MYO10: variants seen among roughly 807,000 people sequenced by gnomAD.
MYO10 encodes the protein unconventional myosin-X.
In MYO10, 133 loss-of-function variants were observed where a neutral mutation model predicts 257.3. The observed-to-expected ratio is 0.52, with a 90% CI of 0.45 to 0.60. The LOEUF is 0.60. MYO10 is among the 20% of genes least tolerant of loss of function. MYO10 has a pLI of 0.00. For synonymous variants in MYO10, 1,104 were observed against 1,028.6 expected, an observed-to-expected ratio of 1.07 and a Z score of -1.40; for missense variants, 2,399 against 2,635.7, an observed-to-expected ratio of 0.91 and a Z score of 1.97.
chr5:16,863,825 C>T (rs1243616523), intron 2 of MYO10, among the ~76,000 whole-genome samples: 3 of 152,178 alleles, frequency 2.0e-5, no homozygotes, highest in East Asian at 1.9e-4. Flanking sequence ...GGGCCAGGTG[C>T]GGTGGCTCAT....
At chr5:16,736,835 C>T (rs1214239593) in intron 19 of MYO10, among the ~76,000 whole-genome samples, 2 of 152,190 alleles carry the variant, frequency 1.3e-5, no homozygotes, top group Non-Finnish European at 2.9e-5. Context: ...CCTTCATAAT[C>T]CAGCGGGATT....
intron 35 of MYO10, among the ~76,000 whole-genome samples, 165 bp from the exon 36 acceptor site, chr5:16,674,054 C>T (rs1290660717): frequency 6.6e-6 from 1 of 152,116 alleles, no homozygotes; most frequent in East Asian, 1.9e-4. Context: ...TCATTTTGTG[C>T]AGTTCAATTT....
intron 35 of MYO10, among the ~76,000 whole-genome samples, chr5:16,674,133 G>T (rs1217995044): frequency 6.6e-6 from 1 of 152,182 alleles, no homozygotes; most frequent in African/African-American, 2.4e-5. Flanking sequence ...CACCTCTGCA[G>T]CGTTGTTAAT....
intron 40 of MYO10, among the ~76,000 whole-genome samples, chr5:16,667,913 G>A (rs1736250075): frequency 6.6e-6 from 1 of 152,132 alleles, no homozygotes; most frequent in African/African-American, 2.4e-5. Context: ...CCAGAGCCGA[G>A]TCTCACAGCT....
chr5:16,671,626 A>T, intron 37 of MYO10, 84 bp from the exon 38 acceptor site: 2 of 1,517,832 alleles, frequency 1.3e-6, no homozygotes. Flanking sequence ...TACATGGTGT[A>T]TTCTAAGGAC....
intron 2 of MYO10, among the ~76,000 whole-genome samples, chr5:16,842,551 A>C (rs1324948403): frequency 2.0e-5 from 3 of 152,076 alleles, no homozygotes; most frequent in Non-Finnish European, 4.4e-5. Context: ...CTGTCTTCCT[A>C]ATCTGTCCAA....
At chr5:16,688,012 G>A (rs1162614582) in intron 28 of MYO10, among the ~76,000 whole-genome samples, 1 of 152,168 alleles carries the variant, frequency 6.6e-6, no homozygotes, top group Non-Finnish European at 1.5e-5. Flanking sequence ...CCACTGGTCA[G>A]GAGAAAAAGT....
chr5:16,685,603 CTTAA>C (rs747410917), intron 29 of MYO10, 131 bp downstream of exon 29: 1 of 650,810 alleles, frequency 1.5e-6, no homozygotes, highest in African/African-American at 1.8e-5. Context: ...TGTTTTTCTC[CTTAA>C]TTATTCTATA....
chr5:16,710,140 G>C (rs1283260536), intron 21 of MYO10, among the ~76,000 whole-genome samples: 1 of 152,168 alleles, frequency 6.6e-6, no homozygotes, highest in Admixed American at 6.5e-5. Flanking sequence ...GAAGGAGCGG[G>C]AATGAGGATT....
intron 30 of MYO10, among the ~76,000 whole-genome samples, chr5:16,683,319 C>CA (rs999171310): frequency 2.0e-5 from 3 of 152,200 alleles, no homozygotes; most frequent in Non-Finnish European, 2.9e-5. Flanking sequence ...TACAGAAAAA[C>CA]AGAGACAATA....
intron 2 of MYO10, among the ~76,000 whole-genome samples, chr5:16,852,050 CAAAAAAAAAA>C (rs70943811): frequency 1.4e-4 from 6 of 42,540 alleles, no homozygotes; most frequent in Admixed American, 4.2e-4. Context: ...GACTCCATCT[CAAAAAAAAAA>C]AAAAAAAAAA....
Position 16,781,815 on chromosome 5 carries a change from G to A in MYO10, c.617C>T (p.Ala206Val). The change falls in exon 6 of 41, where the codon GCT becomes GTT. Residue 206 changes from alanine (A) to valine (V), a missense_variant. Physicochemically the swap from Ala to Val is moderately conservative, Grantham distance 64. Coordinates refer to ENST00000513610, the MANE Select transcript of MYO10 (RefSeq NM_012334.3). ...GTACACGGTCTTCGCATTGCCGAAA[G>A]CTTCCATGATGGGGCTGTGAAGACA... Reference protein sequence around the residue: ...AILESSPIMEAFGNAKTVYNN... With the variant: ...AILESSPIMEVFGNAKTVYNN... 6.2e-7 allele frequency: 1 copy of A among 1,614,026 alleles called. No individual in the cohort carries two copies. The highest frequency in any genetic ancestry group is 8.5e-7 in the Non-Finnish European group (1 of 1,179,896).
At chr5:16,931,314 A>G (rs1172252001) in intron 1 of MYO10, among the ~76,000 whole-genome samples, 1 of 152,112 alleles carries the variant, frequency 6.6e-6, no homozygotes, top group East Asian at 1.9e-4. Context: ...AAGATACTCC[A>G]TGTCCTACCA....
intron 2 of MYO10, among the ~76,000 whole-genome samples, chr5:16,838,149 A>G (rs1011281101): frequency 2.6e-5 from 4 of 152,206 alleles, no homozygotes; most frequent in African/African-American, 9.6e-5. Flanking sequence ...TCAAGTAAAA[A>G]AGAGTCACGC....
chr5:16,917,695 A>C (rs1423868838), intron 1 of MYO10, among the ~76,000 whole-genome samples: 1 of 131,432 alleles, frequency 7.6e-6, no homozygotes, highest in Non-Finnish European at 1.7e-5. Flanking sequence ...CCATCTCTAC[A>C]AAAAAAAAAA....
chr5:16,857,395 AG>A (rs1247331664), intron 2 of MYO10, among the ~76,000 whole-genome samples: 1 of 152,206 alleles, frequency 6.6e-6, no homozygotes, highest in Non-Finnish European at 1.5e-5. Context: ...ATGCTTTGGG[AG>A]GAAGACGGTG....
chr5:16,739,283 A>G (rs1739927669), intron 19 of MYO10, among the ~76,000 whole-genome samples: 1 of 151,542 alleles, frequency 6.6e-6, no homozygotes, highest in Non-Finnish European at 1.5e-5. Flanking sequence ...ATTTGATTAC[A>G]CTATTGAGAA....
rs148017475 is a variant in MYO10, at chr5:16,766,887, A to G, written c.1061-689T>C. On this transcript the variant is annotated intron_variant, in intron 10 of 40. Coordinates refer to ENST00000513610, the MANE Select transcript of MYO10 (RefSeq NM_012334.3). ...CTGGTTCAGATGATTCTCCTGCCTC[A>G]GCCTCCTGAGTATTTTTAGTAGAGA... Among the ~76,000 whole-genome samples, 627 of 149,316 alleles carry G rather than the reference A, an allele frequency of 4.2e-3. 6 individuals are homozygous for G. The highest frequency in any genetic ancestry group is 0.032 in the Middle Eastern group (9 of 278).
chr5:16,789,214 T>C (rs1741681411), intron 4 of MYO10, among the ~76,000 whole-genome samples: 1 of 152,248 alleles, frequency 6.6e-6, no homozygotes, highest in Non-Finnish European at 1.5e-5. Context: ...GCTTTCACAC[T>C]ACAAGGGCAG....
Sources: allele counts gnomAD v4.1 joint callset (sites outside exome capture counted in the v4.1 genomes callset), GRCh38; gene constraint gnomAD v4.1.1; transcripts MANE v1.5; gene names NCBI Gene and HGNC (gene_info 2026-07-23, HGNC 2026-07-21).